The following OLFM3 variants were observed in gnomAD, a reference collection of about 807,000 sequenced individuals.
OLFM3 encodes the protein noelin-3.
OLFM3 carries 20 observed loss-of-function variants against 48.6 expected under a neutral mutation model. The observed-to-expected ratio is 0.41, with a 90% CI of 0.29 to 0.60. The LOEUF (loss-of-function observed/expected upper bound fraction) is 0.60. OLFM3 is among the 20% of genes least tolerant of loss of function. The probability of loss-of-function intolerance (pLI) is 0.28; values close to 1 mark genes in which losing one functional copy is unlikely to be tolerated. For missense variants in OLFM3, 437 were observed against 544.3 expected (o/e 0.80, Z 1.96); for synonymous variants, 222 against 198.1 (o/e 1.12, Z -1.01).
intron 1 of OLFM3, among the ~76,000 whole-genome samples, chr1:101,932,161 G>T (rs1367075869): frequency 3.9e-5 from 6 of 152,010 alleles, no homozygotes; most frequent in African/African-American, 1.5e-4. Context: ...TTGACTAATT[G>T]ACTAGTTGCA....
At chr1:101,903,625 A>C (rs1658458758) in intron 1 of OLFM3, among the ~76,000 whole-genome samples, 1 of 152,038 alleles carries the variant, frequency 6.6e-6, no homozygotes, top group Non-Finnish European at 1.5e-5. Flanking sequence ...TTTGTTTATG[A>C]TTAGTGACAC....
intron 1 of OLFM3, among the ~76,000 whole-genome samples, chr1:101,973,059 T>C (rs180781982): frequency 5.9e-5 from 9 of 152,276 alleles, no homozygotes; most frequent in Admixed American, 5.2e-4. Flanking sequence ...AATAAAAATA[T>C]AGTGCTATGG....
chr1:101,940,529 G>GTCTATCTA (rs201171605), intron 1 of OLFM3, among the ~76,000 whole-genome samples: 24 of 150,814 alleles, frequency 1.6e-4, no homozygotes, highest in African/African-American at 2.2e-4. Context: ...TATATCATCT[G>GTCTATCTA]TCTATCTATC....
chr1:101,933,201 C>CAAA (rs761881274), intron 1 of OLFM3, among the ~76,000 whole-genome samples: 20 of 40,116 alleles, frequency 5.0e-4, no homozygotes, highest in South Asian at 1.5e-3. Flanking sequence ...GACTCCATCT[C>CAAA]AAAAAAAAAA....
chr1:101,876,444 T>A (rs1657304408), intron 1 of OLFM3, among the ~76,000 whole-genome samples: 1 of 152,028 alleles, frequency 6.6e-6, no homozygotes, highest in African/African-American at 2.4e-5. Flanking sequence ...ACAAAATTAC[T>A]GTTACTAAGC....
chr1:101,909,387 ATT>A (rs1658669352), intron 1 of OLFM3, among the ~76,000 whole-genome samples: 1 of 152,276 alleles, frequency 6.6e-6, no homozygotes, highest in African/African-American at 2.4e-5. Context: ...AATGAAAAGT[ATT>A]TGGGCAGGCT....
rs199505821 is a variant in OLFM3, at chr1:101,874,355, T to A, written c.70-37330A>T. ...CTAAAATGCTAATTTACATTGGCTG[T>A]ACAGCTAAAGCTATCCATGTCAAGA... On this transcript the variant is annotated intron_variant, in intron 1 of 5. Transcript: ENST00000370103. Among the ~76,000 whole-genome samples, 8 of 152,010 alleles carry A rather than the reference T, an allele frequency of 5.3e-5. No individual in the cohort carries two copies. In the East Asian group the frequency reaches 1.5e-3, roughly 29 times the overall value.
At chr1:101,919,037 C>T (rs975098133) in intron 1 of OLFM3, among the ~76,000 whole-genome samples, 9 of 152,004 alleles carry the variant, frequency 5.9e-5, no homozygotes, top group Non-Finnish European at 1.3e-4. Context: ...ATTTTTAGTT[C>T]ACTGTTACAT....
chr1:101,843,718 C>T (rs114817509), intron 1 of OLFM3, among the ~76,000 whole-genome samples: 1 of 152,258 alleles, frequency 6.6e-6, no homozygotes, highest in Non-Finnish European at 1.5e-5. Context: ...GAGGCACCTG[C>T]CATAAATTGA....
At chr1:101,813,665 C>A (rs983429590) in intron 4 of OLFM3, among the ~76,000 whole-genome samples, 7 of 152,084 alleles carry the variant, frequency 4.6e-5, no homozygotes, top group African/African-American at 1.7e-4. Flanking sequence ...TCTGTGTAAT[C>A]TTCTCTCTGT....
intron 1 of OLFM3, among the ~76,000 whole-genome samples, chr1:101,884,517 C>CA (rs1239251785): frequency 6.6e-6 from 1 of 151,628 alleles, no homozygotes; most frequent in African/African-American, 2.4e-5. Flanking sequence ...AAAAAACAGA[C>CA]AAAAAATGCC....
intron 1 of OLFM3, among the ~76,000 whole-genome samples, chr1:101,949,931 G>GAAAA (rs71088114): frequency 0.03 from 1,593 of 53,344 alleles, 233 homozygotes; most frequent in African/African-American, 0.078. Context: ...GACTCCGTCT[G>GAAAA]AAAAAAAAAA....
At chr1:101,993,936 T>A (rs1661483902) in intron 1 of OLFM3, among the ~76,000 whole-genome samples, 1 of 147,630 alleles carries the variant, frequency 6.8e-6, no homozygotes, top group Non-Finnish European at 1.5e-5. Context: ...ATATAAGACC[T>A]GTAAGCTTCA....
At chr1:101,809,719 C>A (rs1653956754) in intron 4 of OLFM3, among the ~76,000 whole-genome samples, 1 of 151,790 alleles carries the variant, frequency 6.6e-6, no homozygotes, top group Non-Finnish European at 1.5e-5. Context: ...GTATGAGATC[C>A]TCTAGAGAAA....
intron 1 of OLFM3, among the ~76,000 whole-genome samples, chr1:101,860,525 T>C (rs1222649441): frequency 6.6e-6 from 1 of 152,032 alleles, no homozygotes; most frequent in African/African-American, 2.4e-5. Flanking sequence ...TCTTTTGATA[T>C]CCATATCATT....
chr1:101,880,491 T>C (rs1657479747), intron 1 of OLFM3, among the ~76,000 whole-genome samples: 1 of 151,700 alleles, frequency 6.6e-6, no homozygotes, highest in East Asian at 1.9e-4. Flanking sequence ...GGGACAGAGA[T>C]GGGATTTGTT....
chr1:101,925,097 A>C (rs1659227563), intron 1 of OLFM3, among the ~76,000 whole-genome samples: 1 of 152,172 alleles, frequency 6.6e-6, no homozygotes. Flanking sequence ...GAAGAGACAG[A>C]GAATAAGACC....
intron 1 of OLFM3, among the ~76,000 whole-genome samples, chr1:101,991,016 A>ATAT (rs1314208685): frequency 2.8e-4 from 9 of 32,220 alleles, no homozygotes; most frequent in Admixed American, 8.1e-4. Context: ...AAAAAAAAAA[A>ATAT]ATATATATAT....
At chr1:101,989,415 T>C (rs973457218) in intron 1 of OLFM3, among the ~76,000 whole-genome samples, 1 of 152,142 alleles carries the variant, frequency 6.6e-6, no homozygotes, top group South Asian at 2.1e-4. Flanking sequence ...GAGATGGTCT[T>C]ATGCTATTTC....
Sources: allele counts gnomAD v4.1 joint callset (sites outside exome capture counted in the v4.1 genomes callset), GRCh38; gene constraint gnomAD v4.1.1; transcripts MANE v1.5; gene names NCBI Gene and HGNC (gene_info 2026-07-23, HGNC 2026-07-21).